The following PARN variants were observed in gnomAD, a reference collection of about 807,000 sequenced individuals.
The protein encoded by PARN is poly(A)-specific ribonuclease.
PARN carries 71 observed loss-of-function variants against 102.8 expected under a neutral mutation model. That is an observed-to-expected ratio of 0.69 (90% CI 0.57 to 0.84). The LOEUF is 0.84. Among genes scored for constraint, PARN ranks in the 40% least tolerant of loss-of-function variants. PARN has a pLI of 0.00. For missense variants in PARN, 782 were observed against 760.9 expected, an observed-to-expected ratio of 1.03 and a Z score of -0.33; for synonymous variants, 261 against 252.9, an observed-to-expected ratio of 1.03 and a Z score of -0.30.
intron 21 of PARN, among the ~76,000 whole-genome samples, chr16:14,511,821 C>T (rs1456019931): frequency 6.6e-6 from 1 of 152,196 alleles, no homozygotes; most frequent in Non-Finnish European, 1.5e-5. Context: ...CTGCCTCAGC[C>T]TCCCAAGTAG....
At chr16:14,610,560 T>C in intron 7 of PARN, 84 bp downstream of exon 7, 1 of 812,208 alleles carries the variant, frequency 1.2e-6, no homozygotes, top group Non-Finnish European at 2.1e-6. Context: ...ACTATGTTTG[T>C]AAAGCACAGG....
intron 18 of PARN, among the ~76,000 whole-genome samples, chr16:14,572,875 G>T (rs965343544): frequency 6.6e-6 from 1 of 151,508 alleles, no homozygotes; most frequent in Non-Finnish European, 1.5e-5. Context: ...TAGCATGTTA[G>T]ATCTTTTTGT....
At chr16:14,612,523 A>G (rs1205964128) in intron 6 of PARN, among the ~76,000 whole-genome samples, 1 of 152,258 alleles carries the variant, frequency 6.6e-6, no homozygotes, top group African/African-American at 2.4e-5. Context: ...TGATGTGAAG[A>G]CAATGAGGGG....
At chr16:14,539,020 CTCCCAATGAT>C (rs1966738290) in intron 21 of PARN, among the ~76,000 whole-genome samples, 1 of 152,122 alleles carries the variant, frequency 6.6e-6, no homozygotes, top group Non-Finnish European at 1.5e-5. Flanking sequence ...AAGGTCAGGG[CTCCCAATGAT>C]TCTACATTAT....
rs372305239 is a variant in PARN, at chr16:14,617,666, C to T, written c.328-16G>A. Reference sequence around the variant, plus strand: ...TGCTGGAGCTCTGAAACAGAGTAAACAGAACACATGTTTTGGGGATGTTAG... The same window carrying T: ...TGCTGGAGCTCTGAAACAGAGTAAATAGAACACATGTTTTGGGGATGTTAG... On this transcript the variant is annotated splice_polypyrimidine_tract_variant and intron_variant, in intron 5 of 23. Coordinates refer to ENST00000437198, the MANE Select transcript of PARN (RefSeq NM_002582.4). 66 of 1,529,046 alleles carry T rather than the reference C, an allele frequency of 4.3e-5. 1 individual carries two copies. The highest frequency in any genetic ancestry group is 5.5e-5 in the Non-Finnish European group (61 of 1,102,902). The allele number at this position is 1,529,046 out of a possible 1,614,324, so 94.7% of individuals were successfully genotyped here.
intron 23 of PARN, among the ~76,000 whole-genome samples, chr16:14,445,021 T>C (rs1596428626): frequency 8.0e-6 from 1 of 125,368 alleles, no homozygotes; most frequent in African/African-American, 3.2e-5. Flanking sequence ...AGAGAAAAGG[T>C]GTCACTATAT....
intron 21 of PARN, among the ~76,000 whole-genome samples, chr16:14,502,820 C>T (rs956025239): frequency 2.0e-5 from 3 of 152,178 alleles, no homozygotes; most frequent in Admixed American, 6.5e-5. Flanking sequence ...GCTAATACAG[C>T]TACTTCTCTC....
At chr16:14,469,408 C>A (rs1962581121) in intron 22 of PARN, among the ~76,000 whole-genome samples, 1 of 152,174 alleles carries the variant, frequency 6.6e-6, no homozygotes, top group Admixed American at 6.5e-5. Flanking sequence ...AAAAGAGGCA[C>A]AAAAGGGAGA....
At chr16:14,468,265 T>C (rs1412163329) in intron 22 of PARN, among the ~76,000 whole-genome samples, 1 of 152,146 alleles carries the variant, frequency 6.6e-6, no homozygotes, top group Admixed American at 6.5e-5. Context: ...ACTGTGAAGA[T>C]TAAGAAACAA....
At chr16:14,482,609 C>T in intron 22 of PARN, 29 bp downstream of exon 22, 2 of 1,528,336 alleles carry the variant, frequency 1.3e-6, no homozygotes, top group East Asian at 4.7e-5. Context: ...GAACTCTGGC[C>T]TTTTAAATTA....
At chr16:14,478,467 T>G (rs925362357) in intron 22 of PARN, among the ~76,000 whole-genome samples, 16 of 152,168 alleles carry the variant, frequency 1.1e-4, no homozygotes, top group African/African-American at 3.9e-4. Flanking sequence ...TGAAAAATAA[T>G]GTATATGAAC....
At chr16:14,495,909 G>C (rs759022843) in intron 21 of PARN, among the ~76,000 whole-genome samples, 2 of 152,284 alleles carry the variant, frequency 1.3e-5, no homozygotes, top group South Asian at 2.1e-4. Context: ...CTGAAGAGGG[G>C]TCGAGGTCAG....
intron 18 of PARN, among the ~76,000 whole-genome samples, chr16:14,575,346 T>C (rs773661103): frequency 6.6e-5 from 10 of 152,012 alleles, no homozygotes; most frequent in South Asian, 2.1e-4. Flanking sequence ...AGGAGGGAGG[T>C]TGTAACCCTG....
At chr16:14,515,932 C>T (rs1260101784) in intron 21 of PARN, among the ~76,000 whole-genome samples, 1 of 151,972 alleles carries the variant, frequency 6.6e-6, no homozygotes, top group African/African-American at 2.4e-5. Flanking sequence ...CAGATAGATA[C>T]TCGACTAAAA....
At chr16:14,579,385 T>C (rs567856953) in intron 18 of PARN, among the ~76,000 whole-genome samples, 3 of 152,346 alleles carry the variant, frequency 2.0e-5, no homozygotes, top group South Asian at 2.1e-4. Context: ...TCTGATTTTA[T>C]AAGGAGCTGA....
chr16:14,498,122 C>CAAAAAA (rs34124932), intron 21 of PARN, among the ~76,000 whole-genome samples: 5 of 44,880 alleles, frequency 1.1e-4, no homozygotes, highest in Non-Finnish European at 1.8e-4. Flanking sequence ...GACTCCATCT[C>CAAAAAA]AAAAAAAAAA....
At chr16:14,593,094 C>T (rs922148196) in intron 13 of PARN, among the ~76,000 whole-genome samples, 2 of 152,084 alleles carry the variant, frequency 1.3e-5, no homozygotes, top group African/African-American at 4.8e-5. Flanking sequence ...CAAGATTGCA[C>T]CACTGCACTC....
At chr16:14,597,078 T>G (rs1970566040) in intron 12 of PARN, among the ~76,000 whole-genome samples, 1 of 152,080 alleles carries the variant, frequency 6.6e-6, no homozygotes, top group Admixed American at 6.6e-5. Context: ...TGAGCCACCA[T>G]GCCCAGCCCA....
intron 23 of PARN, among the ~76,000 whole-genome samples, chr16:14,437,062 A>G (rs1231421608): frequency 1.3e-5 from 2 of 152,382 alleles, no homozygotes; most frequent in East Asian, 3.9e-4. Flanking sequence ...AGCCATGCAC[A>G]GTATTCCTCA....
Sources: allele counts gnomAD v4.1 joint callset (sites outside exome capture counted in the v4.1 genomes callset), GRCh38; gene constraint gnomAD v4.1.1; transcripts MANE v1.5; gene names NCBI Gene and HGNC (gene_info 2026-07-23, HGNC 2026-07-21).